Variants in PCDHA2 observed in about 807,000 individuals in gnomAD.
PCDHA2 encodes the protein protocadherin alpha-2.
In PCDHA2, 58 loss-of-function variants were observed where a neutral mutation model predicts 66.0. The observed-to-expected ratio is 0.88, with a 90% CI of 0.71 to 1.09. The LOEUF is 1.09. Ranked by LOEUF, PCDHA2 falls within the 50% of genes least tolerant of loss-of-function variation. The pLI, the probability that PCDHA2 is intolerant of heterozygous loss-of-function variation, is 0.00. For synonymous variants in PCDHA2, 634 were observed against 554.0 expected (o/e 1.14, Z -2.03); for missense variants, 1,267 against 1,242.3 (o/e 1.02, Z -0.30).
chr5:141,007,107 A>G (rs1162403610), intron 3 of PCDHA2, among the ~76,000 whole-genome samples: 1 of 152,190 alleles, frequency 6.6e-6, no homozygotes, highest in Non-Finnish European at 1.5e-5. Context: ...GCCAAACCCA[A>G]GGAAGCTTCA....
At chr5:140,879,235 A>G (rs904336289) in intron 1 of PCDHA2, among the ~76,000 whole-genome samples, 5 of 152,240 alleles carry the variant, frequency 3.3e-5, no homozygotes, top group Middle Eastern at 3.2e-3. Flanking sequence ...CATATACAAG[A>G]GGCACTGGCA....
intron 1 of PCDHA2, chr5:140,807,296 G>T: frequency 6.2e-7 from 1 of 1,614,180 alleles, no homozygotes; most frequent in Non-Finnish European, 8.5e-7. Context: ...CTCGGTCTCC[G>T]AGGAGGCCAA....
intron 3 of PCDHA2, among the ~76,000 whole-genome samples, chr5:141,006,206 AT>A (rs1178693799): frequency 1.4e-5 from 2 of 147,854 alleles, no homozygotes. Flanking sequence ...GTTATGCCTC[AT>A]TTTTTTTTAA....
intron 3 of PCDHA2, among the ~76,000 whole-genome samples, chr5:141,003,696 T>C (rs1554259206): frequency 6.6e-6 from 1 of 152,210 alleles, no homozygotes; most frequent in East Asian, 1.9e-4. Flanking sequence ...AATATATCCC[T>C]ACCAATTGTG....
chr5:140,841,711 G>A (rs1385576183), intron 1 of PCDHA2: 3 of 1,613,772 alleles, frequency 1.9e-6, no homozygotes, highest in Admixed American at 1.7e-5. Flanking sequence ...ATGACAACCC[G>A]CCAGTGTTCC....
At position 140,857,834 on chromosome 5, in the gene PCDHA2, G is replaced by A; in HGVS notation, c.2388+60482G>A. 1.9e-6 allele frequency: 3 copies of A among 1,597,844 alleles called. 1 individual carries two copies. The highest frequency in any genetic ancestry group is 1.7e-6 in the Non-Finnish European group (2 of 1,167,630). The stretch of plus-strand genomic sequence containing the variant: ...TCACGTGGTGGCTAAGGTGCGCGCA[G>A]TGGACGCTGACTCTGGATACAACGC... On this transcript the variant is annotated intron_variant, in intron 1 of 3. Transcript: ENST00000526136.
chr5:140,925,952 ACTG>A (rs1295981015), intron 1 of PCDHA2, among the ~76,000 whole-genome samples: 1 of 151,952 alleles, frequency 6.6e-6, no homozygotes, highest in Non-Finnish European at 1.5e-5. Flanking sequence ...AGAAGGAGAA[ACTG>A]CTATCACGCA....
chr5:140,871,092 C>T lies in PCDHA2; in HGVS notation c.2388+73740C>T, dbSNP rs575877743. 10 of 1,613,260 alleles carry T rather than the reference C, an allele frequency of 6.2e-6. No homozygotes were observed. The Admixed American group carries it at 8.3e-5, about 13-fold the overall frequency. ...AGCCGGCGCTGACGGCCACGGCCAC[C>T]GTGCTGGTGTCGTTGGTGGAGAGCG... is the stretch of plus-strand genomic sequence containing the variant. On this transcript the variant is annotated intron_variant, in intron 1 of 3. Transcript: ENST00000526136.
intron 1 of PCDHA2, chr5:140,869,342 A>G (rs782505088): frequency 1.2e-6 from 2 of 1,614,050 alleles, no homozygotes; most frequent in Admixed American, 3.3e-5. Flanking sequence ...GTAAATCTGC[A>G]GAATGGCATT....
intron 1 of PCDHA2, chr5:140,803,168 C>G (rs1763134104): frequency 6.2e-7 from 1 of 1,613,918 alleles, no homozygotes; most frequent in South Asian, 1.1e-5. Context: ...ACGGTGAACC[C>G]TCATTGACCG....
intron 1 of PCDHA2, chr5:140,802,917 G>C (rs892863974): frequency 1.2e-6 from 2 of 1,613,668 alleles, no homozygotes; most frequent in East Asian, 2.2e-5. Flanking sequence ...GGGTGGCATC[G>C]GTGGCGCAGT....
At position 140,796,648 on chromosome 5, in the gene PCDHA2, G is replaced by T; in HGVS notation, c.1684G>T (p.Ala562Ser). 2 of 1,613,822 alleles carry T rather than the reference G, an allele frequency of 1.2e-6. No homozygotes were observed. The change falls in exon 1 of 4, where the codon GCG (alanine) becomes TCG (serine). Residue 562 changes from alanine (A) to serine (S), a missense_variant. Physicochemically the swap from Ala to Ser is moderately conservative, Grantham distance 99. Coordinates refer to ENST00000526136, the MANE Select transcript of PCDHA2 (RefSeq NM_018905.3). ...QVFVLDENDN[A>S]PALLAPRAGT... ...GTTCGTGCTGGACGAGAACGACAACGCGCCGGCACTGTTGGCGCCTAGGGC... is the reference window on the plus strand; with the variant it reads ...GTTCGTGCTGGACGAGAACGACAACTCGCCGGCACTGTTGGCGCCTAGGGC...
intron 1 of PCDHA2, chr5:140,856,628 G>C (rs782445037): frequency 1.9e-6 from 3 of 1,598,180 alleles, no homozygotes; most frequent in East Asian, 4.5e-5. Context: ...CCCAGTGCTT[G>C]TTCTGCGGAA....
In PCDHA2 at chr5:140,959,652, T is replaced by C. The variant is rs538144488; in HGVS notation, c.2389-19297T>C. 1.3e-4 allele frequency among the ~76,000 whole-genome samples: 20 copies of C among 152,234 alleles called. No individual in the cohort carries two copies. In the South Asian group the frequency reaches 4.2e-3, roughly 32 times the overall value. On this transcript the variant is annotated intron_variant, in intron 1 of 3. Transcript: ENST00000526136. ...AGAGAGAAAAAACACAGAAGCAAAATTGAAGAATTTGTAAATCATTTCTAA... is the reference window on the plus strand; with the variant it reads ...AGAGAGAAAAAACACAGAAGCAAAACTGAAGAATTTGTAAATCATTTCTAA...
rs782023174 is a variant in PCDHA2 at position 140,870,968 on chromosome 5, G to A, written c.2388+73616G>A. 39 of 1,613,492 alleles carry A rather than the reference G, an allele frequency of 2.4e-5. No homozygotes were observed. Among genetic ancestry groups the A allele is most frequent in the Admixed American group, 2.2e-4 (13 of 59,998 alleles). ...GCGGGCGGCTCGCGCATCCCGTTCC[G>A]CGTGGGGCTGTACACGGGCGAGATA... On this transcript the variant is annotated intron_variant, in intron 1 of 3. Transcript: ENST00000526136.
intron 1 of PCDHA2, chr5:140,927,199 G>A: frequency 4.3e-6 from 7 of 1,614,128 alleles, no homozygotes; most frequent in Non-Finnish European, 5.9e-6. Context: ...GGTGCTCGAG[G>A]ACCCGCTGGA....
intron 1 of PCDHA2, chr5:140,828,354 C>A (rs1554131244): frequency 2.5e-6 from 4 of 1,614,264 alleles, no homozygotes; most frequent in East Asian, 4.5e-5. Flanking sequence ...TTTGTGAATT[C>A]TCGGATCGAC....
At chr5:140,874,161 A>G (rs1173333729) in intron 1 of PCDHA2, among the ~76,000 whole-genome samples, 1 of 152,042 alleles carries the variant, frequency 6.6e-6, no homozygotes, top group Non-Finnish European at 1.5e-5. Context: ...ATTCTTGGTT[A>G]CTCTTTCCTG....
chr5:141,000,395 C>CTCTCTA (rs1213762225), intron 3 of PCDHA2, among the ~76,000 whole-genome samples: 5 of 53,980 alleles, frequency 9.3e-5, no homozygotes, highest in East Asian at 6.1e-4. Flanking sequence ...CTCTCTCTCT[C>CTCTCTA]TATATATATA....
Sources: gnomAD v4.1 joint callset for allele counts (sites outside exome capture counted in the v4.1 genomes callset) on GRCh38, gnomAD v4.1.1 for gene constraint, MANE v1.5 for transcripts, NCBI Gene and HGNC (gene_info 2026-07-23, HGNC 2026-07-21) for gene names.